GRIA1: variants seen among roughly 807,000 people sequenced by gnomAD.
The protein encoded by GRIA1 is glutamate receptor 1.
Under a neutral mutation model 99.2 loss-of-function variants are expected in GRIA1, and 31 were observed. The observed-to-expected ratio is 0.31, with a 90% confidence interval of 0.23 to 0.42. The LOEUF is 0.42. GRIA1 is among the 10% of genes least tolerant of loss of function. GRIA1 has a pLI of 1.00. For missense variants in GRIA1, 782 were observed against 1,157.5 expected, an observed-to-expected ratio of 0.68 and a Z score of 4.71; for synonymous variants, 438 against 432.4, an observed-to-expected ratio of 1.01 and a Z score of -0.16.
At chr5:153,493,363 T>C (rs1754101177) in intron 1 of GRIA1, among the ~76,000 whole-genome samples, 1 of 152,138 alleles carries the variant, frequency 6.6e-6, no homozygotes, top group Non-Finnish European at 1.5e-5. Flanking sequence ...TTAGGGGCAA[T>C]AGAATAGTTA....
intron 11 of GRIA1, among the ~76,000 whole-genome samples, chr5:153,749,685 A>T (rs1013769258): frequency 6.6e-6 from 1 of 152,112 alleles, no homozygotes; most frequent in African/African-American, 2.4e-5. Context: ...CCCACCTCCA[A>T]CACTGGGGAT....
intron 2 of GRIA1, among the ~76,000 whole-genome samples, chr5:153,544,186 C>T (rs753129601): frequency 1.3e-5 from 2 of 152,170 alleles, no homozygotes; most frequent in Non-Finnish European, 2.9e-5. Context: ...AACCCCAAGG[C>T]CTGCTGCCAG....
intron 10 of GRIA1, among the ~76,000 whole-genome samples, chr5:153,702,516 CT>C (rs1277098073): frequency 6.6e-6 from 1 of 152,192 alleles, no homozygotes; most frequent in Non-Finnish European, 1.5e-5. Context: ...TCACTTTATG[CT>C]TTTTTCTACC....
At chr5:153,706,205 C>T (rs1758887143) in intron 11 of GRIA1, 138 bp downstream of exon 11, 1 of 823,590 alleles carries the variant, frequency 1.2e-6, no homozygotes, top group Non-Finnish European at 1.9e-6. Context: ...CTATTCTTTA[C>T]AATCAACTGT....
rs987481272 is a variant in GRIA1, at chr5:153,586,033, C to T, written c.221-60895C>T. 3.9e-5 allele frequency among the ~76,000 whole-genome samples: 6 copies of T among 152,172 alleles called. No homozygotes were observed. The South Asian group carries it at 1.2e-3, about 32-fold the overall frequency. ...CATGATGTAAAGACCTTTACTATGGCTGATTCAATAGTTCAAGCTATCAGC... is the reference window on the plus strand; with the variant it reads ...CATGATGTAAAGACCTTTACTATGGTTGATTCAATAGTTCAAGCTATCAGC... On this transcript the variant is annotated intron_variant, in intron 2 of 15. Coordinates refer to ENST00000285900, the MANE Select transcript of GRIA1 (RefSeq NM_000827.4).
chr5:153,522,063 A>G (rs1757199104), intron 2 of GRIA1, among the ~76,000 whole-genome samples: 1 of 152,228 alleles, frequency 6.6e-6, no homozygotes, highest in Non-Finnish European at 1.5e-5. Flanking sequence ...TGATCCTGTA[A>G]TTATTGTGTT....
chr5:153,532,867 TAAATA>T (rs771432135), intron 2 of GRIA1, among the ~76,000 whole-genome samples: 49 of 152,160 alleles, frequency 3.2e-4, no homozygotes, highest in Non-Finnish European at 6.5e-4. Flanking sequence ...AATAAATAAA[TAAATA>T]AAACAGTCAC....
chr5:153,512,678 C>G (rs1221537861), intron 2 of GRIA1, among the ~76,000 whole-genome samples: 1 of 152,196 alleles, frequency 6.6e-6, no homozygotes, highest in Non-Finnish European at 1.5e-5. Context: ...CTTGATGACC[C>G]AGTGCCTGTG....
intron 7 of GRIA1, among the ~76,000 whole-genome samples, chr5:153,681,119 A>G (rs1051305961): frequency 6.6e-6 from 1 of 152,214 alleles, no homozygotes; most frequent in Non-Finnish European, 1.5e-5. Context: ...GAAGCTTCCA[A>G]TCATGGCAGA....
chr5:153,709,149 C>T (rs1759129727), intron 11 of GRIA1, among the ~76,000 whole-genome samples: 1 of 152,174 alleles, frequency 6.6e-6, no homozygotes, highest in Non-Finnish European at 1.5e-5. Context: ...CTTTTGTTGT[C>T]ATTGTTGTTT....
chr5:153,675,603 T>G (rs1756513390), intron 6 of GRIA1, among the ~76,000 whole-genome samples: 1 of 152,232 alleles, frequency 6.6e-6, no homozygotes, highest in African/African-American at 2.4e-5. Context: ...TTTGACAGAC[T>G]TTCTCTTGCC....
chr5:153,597,072 C>A (rs1267391836), intron 2 of GRIA1, among the ~76,000 whole-genome samples: 3 of 152,162 alleles, frequency 2.0e-5, no homozygotes, highest in Non-Finnish European at 4.4e-5. Flanking sequence ...CAAGCAAACA[C>A]CACCAGGAAA....
intron 11 of GRIA1, among the ~76,000 whole-genome samples, chr5:153,720,193 C>A (rs928521600): frequency 6.6e-6 from 1 of 152,130 alleles, no homozygotes; most frequent in African/African-American, 2.4e-5. Context: ...AAGTTAGCAT[C>A]GAGCATTTTA....
chr5:153,610,172 G>A (rs1446144509), intron 2 of GRIA1, among the ~76,000 whole-genome samples: 1 of 152,172 alleles, frequency 6.6e-6, no homozygotes, highest in African/African-American at 2.4e-5. Context: ...AGTGTTGAAT[G>A]GAGACTAAAA....
intron 2 of GRIA1, among the ~76,000 whole-genome samples, chr5:153,585,084 A>G (rs1763354746): frequency 6.6e-6 from 1 of 152,152 alleles, no homozygotes; most frequent in African/African-American, 2.4e-5. Flanking sequence ...AGAAATGCCT[A>G]ACATTTACTG....
At chr5:153,521,126 G>T (rs1826532) in intron 2 of GRIA1, among the ~76,000 whole-genome samples, 51,538 of 152,036 alleles carry the variant, frequency 0.34, 11,659 homozygotes, top group African/African-American at 0.65. Context: ...GGAACAAAAG[G>T]GAGGGCCTGG....
chr5:153,631,985 G>T (rs1016332733), intron 2 of GRIA1, among the ~76,000 whole-genome samples: 4 of 152,148 alleles, frequency 2.6e-5, no homozygotes, highest in Non-Finnish European at 5.9e-5. Flanking sequence ...AGGTTTTTCA[G>T]GTCAACAGCG....
chr5:153,491,094 C>T, intron 1 of GRIA1, 124 bp downstream of exon 1: 7 of 1,088,096 alleles, frequency 6.4e-6, no homozygotes, highest in Non-Finnish European at 9.7e-6. Context: ...AGCTGTGCTG[C>T]GGTAACAGAA....
At chr5:153,760,861 C>A (rs576866456) in intron 11 of GRIA1, among the ~76,000 whole-genome samples, 38 of 151,916 alleles carry the variant, frequency 2.5e-4, no homozygotes, top group African/African-American at 8.7e-4. Flanking sequence ...AATAGACAAC[C>A]CAGAAATTAA....
Sources: gnomAD v4.1 joint callset for allele counts (sites outside exome capture counted in the v4.1 genomes callset) on GRCh38, gnomAD v4.1.1 for gene constraint, MANE v1.5 for transcripts, NCBI Gene and HGNC (gene_info 2026-07-23, HGNC 2026-07-21) for gene names.